STK24: variants seen among roughly 807,000 people sequenced by gnomAD.
STK24 encodes serine/threonine-protein kinase 24.
In STK24, 21 loss-of-function variants were observed where a neutral mutation model predicts 55.6. The ratio of observed to expected loss-of-function variants is 0.38; its 90% CI spans 0.27 to 0.54. The LOEUF (loss-of-function observed/expected upper bound fraction) is 0.54, where lower values mean the gene tolerates loss of function less well. Ranked by LOEUF, STK24 falls within the 20% of genes least tolerant of loss-of-function variation. The pLI is 0.79. For missense variants in STK24, 383 were observed against 538.4 expected, an observed-to-expected ratio of 0.71 and a Z score of 2.86; for synonymous variants, 200 against 215.2, an observed-to-expected ratio of 0.93 and a Z score of 0.62.
intron 6 of STK24, 46 bp downstream of exon 6, chr13:98,466,330 T>A: frequency 2.5e-6 from 4 of 1,588,586 alleles, no homozygotes; most frequent in Non-Finnish European, 3.4e-6. Flanking sequence ...CTCAACCAAG[T>A]CAAGCCGCAC....
chr13:98,565,759 C>T (rs1475916110), intron 1 of STK24, among the ~76,000 whole-genome samples: 9 of 152,196 alleles, frequency 5.9e-5, no homozygotes. Flanking sequence ...CAGCTCCATG[C>T]CCACCCTAAG....
At chr13:98,540,763 C>CAAAAAAAAAAAAAAAAA (rs35957882) in intron 1 of STK24, among the ~76,000 whole-genome samples, 1 of 58,868 alleles carries the variant, frequency 1.7e-5, no homozygotes, top group African/African-American at 6.3e-5. Flanking sequence ...ATATTAAAAG[C>CAAAAAAAAAAAAAAAAA]AAAAAAAAAA....
chr13:98,576,728 G>A lies in STK24; in HGVS notation c.42+17C>T. The A allele has an allele frequency of 2.1e-6, 3 of 1,459,874 alleles. No homozygotes were observed. Among genetic ancestry groups the A allele is most frequent in the Non-Finnish European group, 2.7e-6 (3 of 1,110,160 alleles). 90.4% of individuals were successfully genotyped at this position (1,459,874 alleles called of 1,614,324 possible). A position where few individuals can be genotyped will look rare whatever the true frequency, so the allele number is the denominator to read the frequency against. ...CCCCGGTCGCGCATCCCGGCCCCGC[G>A]GCCCGCGCCCGCCTACCTGCATGCC... is the stretch of plus-strand genomic sequence containing the variant. On this transcript the variant is annotated intron_variant, in intron 1 of 10. Transcript: ENST00000539966.
chr13:98,498,691 G>A (rs1019616871), intron 2 of STK24, among the ~76,000 whole-genome samples: 1 of 152,170 alleles, frequency 6.6e-6, no homozygotes, highest in African/African-American at 2.4e-5. Flanking sequence ...TGAGAGAATG[G>A]TTTCTTTGTC....
chr13:98,532,744 T>C (rs1896614269), intron 1 of STK24, among the ~76,000 whole-genome samples: 1 of 152,246 alleles, frequency 6.6e-6, no homozygotes, highest in Non-Finnish European at 1.5e-5. Flanking sequence ...TGATAACAAA[T>C]CATTTTTATA....
At chr13:98,463,433 A>T (rs1340018401) in intron 7 of STK24, among the ~76,000 whole-genome samples, 1 of 152,218 alleles carries the variant, frequency 6.6e-6, no homozygotes, top group African/African-American at 2.4e-5. Context: ...GAAACAAAAC[A>T]GAATGAAACA....
chr13:98,565,191 C>T (rs537893375), intron 1 of STK24, among the ~76,000 whole-genome samples: 9 of 152,252 alleles, frequency 5.9e-5, no homozygotes, highest in Admixed American at 2.0e-4. Context: ...AAAGTGTCAT[C>T]CTCGAGGCGG....
chr13:98,486,214 AAAAAG>A (rs919803565), intron 2 of STK24, among the ~76,000 whole-genome samples: 5 of 151,978 alleles, frequency 3.3e-5, no homozygotes, highest in African/African-American at 9.7e-5. Context: ...TAAAAAAAAA[AAAAAG>A]AAAGAAAAAG....
intron 9 of STK24, among the ~76,000 whole-genome samples, chr13:98,458,809 C>G (rs952499003): frequency 6.6e-6 from 1 of 152,178 alleles, no homozygotes; most frequent in Non-Finnish European, 1.5e-5. Flanking sequence ...AAAGCAGGGA[C>G]GCCAACACCC....
At chr13:98,490,945 G>C (rs1407135179) in intron 2 of STK24, among the ~76,000 whole-genome samples, 7 of 152,136 alleles carry the variant, frequency 4.6e-5, no homozygotes, top group African/African-American at 7.2e-5. Context: ...TGGAGAATGA[G>C]AAGTGTTCTC....
At chr13:98,519,930 G>GA (rs371105747) in intron 1 of STK24, among the ~76,000 whole-genome samples, 116 of 149,732 alleles carry the variant, frequency 7.7e-4, no homozygotes, top group Non-Finnish European at 1.1e-3. Flanking sequence ...TCACAGAACA[G>GA]AAAAAAAAAC....
Position 98,576,920 on chromosome 13 carries a change from G to A in STK24, c.-134C>T. On this transcript the variant is annotated 5_prime_UTR_variant, in exon 1 of 11. Coordinates refer to ENST00000539966, the MANE Select transcript of STK24 (RefSeq NM_001032296.4). Reference sequence around the variant, plus strand: ...GGAGCCCGAGGCCACCCCAGCCCTGGCGGGTCCCGGCCGGGCGGCGGGGGC... The same window carrying A: ...GGAGCCCGAGGCCACCCCAGCCCTGACGGGTCCCGGCCGGGCGGCGGGGGC... The A allele has an allele frequency of 2.4e-6, 1 of 416,640 alleles. No individual in the cohort carries two copies. 25.8% of individuals were successfully genotyped at this position (416,640 alleles called of 1,614,324 possible). A position where few individuals can be genotyped will look rare whatever the true frequency, so the allele number is the denominator to read the frequency against.
chr13:98,543,110 G>T, intron 1 of STK24: 1 of 691,424 alleles, frequency 1.4e-6, no homozygotes, highest in Non-Finnish European at 1.8e-6. Context: ...GCTGGGAGGA[G>T]ACCAGTCATG....
In STK24 at chr13:98,451,873, G is replaced by C. The variant is rs1178694401; in HGVS notation, c.*1300C>G. ...GACACACTGGCTGCCTGCCTAGCAA[G>C]CATAGGCCCCTTCCAGAGAAGCAAA... On this transcript the variant is annotated 3_prime_UTR_variant, in exon 11 of 11. Transcript: ENST00000539966. 1 of 152,224 alleles carries C rather than the reference G, an allele frequency of 6.6e-6. No homozygotes were observed. The highest frequency in any genetic ancestry group is 1.5e-5 in the Non-Finnish European group (1 of 68,090). The allele number at this position is 152,224 out of a possible 1,614,324, so 9.4% of individuals were successfully genotyped here.
intron 1 of STK24, among the ~76,000 whole-genome samples, chr13:98,542,380 A>AAAC (rs200407581): frequency 8.6e-5 from 13 of 151,918 alleles, no homozygotes; most frequent in Non-Finnish European, 1.3e-4. Flanking sequence ...TCCTATGCAC[A>AAAC]AACAACAACA....
At chr13:98,568,187 G>T (rs956386030) in intron 1 of STK24, among the ~76,000 whole-genome samples, 1 of 152,056 alleles carries the variant, frequency 6.6e-6, no homozygotes, top group Non-Finnish European at 1.5e-5. Context: ...GGTAGAGAAG[G>T]GGTTTCACCA....
intron 5 of STK24, among the ~76,000 whole-genome samples, chr13:98,470,806 T>A (rs546068566): frequency 6.6e-6 from 1 of 152,336 alleles, no homozygotes; most frequent in Non-Finnish European, 1.5e-5. Flanking sequence ...ATTTAAGTGA[T>A]TTTAATTATA....
chr13:98,478,980 G>A (rs1894487111), intron 3 of STK24, among the ~76,000 whole-genome samples: 1 of 152,182 alleles, frequency 6.6e-6, no homozygotes, highest in African/African-American at 2.4e-5. Flanking sequence ...CCCAAGAGCA[G>A]GACTTTCCGC....
chr13:98,543,564 G>A (rs527534478), intron 1 of STK24, among the ~76,000 whole-genome samples: 6 of 152,194 alleles, frequency 3.9e-5, no homozygotes, highest in Admixed American at 3.3e-4. Flanking sequence ...CAGGGTGGGC[G>A]CGGACCCGAA....
Sources: gnomAD v4.1 joint callset for allele counts (sites outside exome capture counted in the v4.1 genomes callset) on GRCh38, gnomAD v4.1.1 for gene constraint, MANE v1.5 for transcripts, NCBI Gene and HGNC (gene_info 2026-07-23, HGNC 2026-07-21) for gene names.